Variants in MICAL2 observed in about 807,000 individuals in gnomAD.
The protein encoded by MICAL2 is [F-actin]-monooxygenase MICAL2.
A neutral mutation model predicts 127.3 loss-of-function variants in MICAL2; 77 were observed. That is an observed-to-expected ratio of 0.60 (90% CI 0.50 to 0.73). The LOEUF is 0.73. Ranked by LOEUF, MICAL2 falls within the 30% of genes least tolerant of loss-of-function variation. The probability of loss-of-function intolerance (pLI) is 0.00; values close to 1 mark genes in which losing one functional copy is unlikely to be tolerated. For missense variants in MICAL2, 1,351 were observed against 1,434.4 expected (o/e 0.94, Z 0.94); for synonymous variants, 570 against 551.1 (o/e 1.03, Z -0.48).
intron 21 of MICAL2, 124 bp from the exon 22 acceptor site, chr11:12,249,060 G>A: frequency 1.6e-6 from 2 of 1,212,466 alleles, no homozygotes; most frequent in Non-Finnish European, 2.3e-6. Context: ...CTGGAATACT[G>A]CAATGTCCTA....
chr11:12,212,130 A>G (rs561910913), intron 6 of MICAL2, among the ~76,000 whole-genome samples: 2 of 152,170 alleles, frequency 1.3e-5, no homozygotes, highest in Non-Finnish European at 2.9e-5. Flanking sequence ...CAGGTGCATC[A>G]GCCATACAGG....
At chr11:12,174,873 T>G (rs1441307676) in intron 3 of MICAL2, among the ~76,000 whole-genome samples, 1 of 152,138 alleles carries the variant, frequency 6.6e-6, no homozygotes. Context: ...GTACTCCCAG[T>G]GCTTTGGGAG....
intron 2 of MICAL2, among the ~76,000 whole-genome samples, chr11:12,144,568 G>C (rs988187): frequency 0.94 from 142,595 of 152,226 alleles, 67,357 homozygotes; most frequent in East Asian, 1. Context: ...CTGTCCCACA[G>C]AGGTCTGCGT....
chr11:12,294,564 G>GT, downstream of MICAL2: 1 of 1,614,216 alleles, frequency 6.2e-7, no homozygotes, highest in Non-Finnish European at 8.5e-7. Flanking sequence ...GAGAAAGTGA[G>GT]TTTGCAAGAG....
At chr11:12,233,290 A>G (rs1335049170) in intron 15 of MICAL2, among the ~76,000 whole-genome samples, 1 of 152,244 alleles carries the variant, frequency 6.6e-6, no homozygotes, top group East Asian at 1.9e-4. Flanking sequence ...GAGATCACAC[A>G]GCTGGGAAAT....
intron 33 of MICAL2, chr11:12,350,024 ACTTTTTCTC>A: frequency 9.9e-7 from 1 of 1,012,416 alleles, no homozygotes; most frequent in African/African-American, 1.6e-5. Context: ...AAGTCTCGGG[ACTTTTTCTC>A]CTTGTGCATA....
chr11:12,250,080 A>G (rs547121942), intron 22 of MICAL2: 2 of 152,300 alleles, frequency 1.3e-5, no homozygotes, highest in Admixed American at 6.5e-5. Context: ...AGCCTCTGGC[A>G]TGGGTGCGTG....
chr11:12,143,072 A>G (rs1852506924), intron 2 of MICAL2, among the ~76,000 whole-genome samples: 1 of 152,240 alleles, frequency 6.6e-6, no homozygotes, highest in Non-Finnish European at 1.5e-5. Flanking sequence ...GATGACAGTC[A>G]TAGCTCCCTT....
In MICAL2 at chr11:12,171,683, G is replaced by A. The variant is rs563837652; in HGVS notation, c.264+9264G>A. Among the ~76,000 whole-genome samples, 13 of 152,314 alleles carry A rather than the reference G, an allele frequency of 8.5e-5. No individual in the cohort carries two copies. In the South Asian group the frequency reaches 1.5e-3, roughly 17 times the overall value. ...GGTAATTGAGATGCTGACCAGAGGC[G>A]AAAACAAATAGGGGCTTATGTTTTT... On this transcript the variant is annotated intron_variant, in intron 3 of 27. Coordinates refer to ENST00000683283, the MANE Select transcript of MICAL2 (RefSeq NM_001282663.2).
chr11:12,256,682 C>T (rs1044523253), intron 23 of MICAL2, 103 bp from the exon 24 acceptor site: 14 of 1,129,926 alleles, frequency 1.2e-5, no homozygotes, highest in African/African-American at 1.6e-5. Flanking sequence ...CAGAAGCCCA[C>T]GAGGTCCCCA....
At chr11:12,224,143 G>A (rs932280391) in intron 12 of MICAL2, among the ~76,000 whole-genome samples, 2 of 152,118 alleles carry the variant, frequency 1.3e-5, no homozygotes, top group Admixed American at 1.3e-4. Flanking sequence ...CGCAAACATA[G>A]CAGGTTTTTC....
In MICAL2 at chr11:12,251,296, T is replaced by C. The variant is rs1392422816; in HGVS notation, c.2847+2050T>C. On this transcript the variant is annotated intron_variant, in intron 22 of 27. Coordinates refer to ENST00000683283, the MANE Select transcript of MICAL2 (RefSeq NM_001282663.2). ...CTAGCAGAAGCCAGCTAGTTAGTTA[T>C]ATCCTCACTCTGAGAGCCGGTAAGG... 3.3e-5 allele frequency among the ~76,000 whole-genome samples: 5 copies of C among 151,758 alleles called. No individual in the cohort carries two copies. In the East Asian group the frequency reaches 9.7e-4, roughly 29 times the overall value.
downstream of MICAL2, chr11:12,293,875 C>T (rs1444076389): frequency 1.2e-6 from 2 of 1,610,296 alleles, no homozygotes; most frequent in South Asian, 2.2e-5. Context: ...AGCTATCTCC[C>T]TTGGCTGGAG....
rs763451438 is a variant in MICAL2, at chr11:12,208,049, T to C, written c.499T>C (p.Phe167Leu). The C allele has an allele frequency of 1.7e-5, 28 of 1,614,088 alleles. 1 individual carries two copies. Among genetic ancestry groups the C allele is most frequent in the Middle Eastern group, 1.6e-4 (1 of 6,082 alleles). The change falls in exon 5 of 28, where the codon TTC becomes CTC. Residue 167 changes from phenylalanine (F) to leucine (L), a missense_variant. Physicochemically the swap from Phe to Leu is conservative, Grantham distance 22. Around this residue, in one of 2 missense-constraint regions of MICAL2, gnomAD observed 599 missense variants for 714.9 expected, o/e 0.84. Transcript: ENST00000683283. ...TATTCGCCAACTACAGCTCATCCTA[T>C]TCAAGGTGGCCCTGATGCTGGGAGT... ...ISIRQLQLIL[F>L]KVALMLGVEI... is the part of the protein sequence containing the mutation.
At chr11:12,263,976 A>G (rs58175274), downstream of MICAL2, among the ~76,000 whole-genome samples, 2,012 of 152,142 alleles carry the variant, frequency 0.013, 47 homozygotes, top group African/African-American at 0.045. Context: ...ACTGTCACCA[A>G]TGCTCCTGGG....
chr11:12,271,232 C>G (rs1863672545), upstream of MICAL2, among the ~76,000 whole-genome samples: 1 of 152,224 alleles, frequency 6.6e-6, no homozygotes, highest in South Asian at 2.1e-4. Context: ...GTGCTGGATC[C>G]TTCTCACCCA....
At chr11:12,329,391 G>A (rs544002062) in intron 32 of MICAL2, among the ~76,000 whole-genome samples, 1 of 152,260 alleles carries the variant, frequency 6.6e-6, no homozygotes, top group African/African-American at 2.4e-5. Context: ...TGATCTCAGT[G>A]AGAGCATTAG....
intron 10 of MICAL2, among the ~76,000 whole-genome samples, 180 bp downstream of exon 10, chr11:12,221,939 T>C (rs1412456831): frequency 6.6e-6 from 1 of 152,218 alleles, no homozygotes; most frequent in Non-Finnish European, 1.5e-5. Context: ...TCCATCATTA[T>C]CTGACTCTTA....
At chr11:12,119,506 C>G (rs528428446) in intron 1 of MICAL2, among the ~76,000 whole-genome samples, 50 of 152,298 alleles carry the variant, frequency 3.3e-4, no homozygotes, top group African/African-American at 1.1e-3. Context: ...AAAAGGTAGG[C>G]CAAGGAGGTG....
Sources: gnomAD v4.1 joint callset for allele counts (sites outside exome capture counted in the v4.1 genomes callset) on GRCh38, gnomAD v4.1.1 for gene constraint, gnomAD v4.1.1 regional missense constraint, MANE v1.5 for transcripts, NCBI Gene and HGNC (gene_info 2026-07-23, HGNC 2026-07-21) for gene names.